Variants in MOB3B observed in about 807,000 individuals in gnomAD.
MOB3B encodes MOB kinase activator-like 2B.
In MOB3B, 7 loss-of-function variants were observed where a neutral mutation model predicts 18.7. That is an observed-to-expected ratio of 0.37 (90% CI 0.21 to 0.70). The LOEUF (loss-of-function observed/expected upper bound fraction) is 0.70, where lower values mean the gene tolerates loss of function less well. Ranked by LOEUF, MOB3B falls within the 30% of genes least tolerant of loss-of-function variation. The probability of loss-of-function intolerance (pLI) is 0.52; values close to 1 mark genes in which losing one functional copy is unlikely to be tolerated. For missense variants in MOB3B, 253 were observed against 281.3 expected (o/e 0.90, Z 0.72); for synonymous variants, 111 against 99.9 (o/e 1.11, Z -0.66).
chr9:27,352,732 G>A (rs1197459298), intron 3 of MOB3B, among the ~76,000 whole-genome samples: 2 of 152,204 alleles, frequency 1.3e-5, no homozygotes, highest in South Asian at 2.1e-4. Context: ...TCACAAAGAT[G>A]AGCAGTGCTG....
rs62541962 is a variant in MOB3B, at chr9:27,351,689, G to A, written c.621+7345C>T. On this transcript the variant is annotated intron_variant, in intron 3 of 3. Transcript: ENST00000262244. ...TTTAGGGAGTAGCTCTGGCTCATGC[G>A]AGAGGTTCTGCTTCTTTTCACAGTC... 9.9e-3 allele frequency among the ~76,000 whole-genome samples: 1,515 copies of A among 152,326 alleles called. 11 individuals carry two copies. The highest frequency in any genetic ancestry group is 0.024 in the Middle Eastern group (7 of 294).
At chr9:27,521,899 T>G (rs144116164) in intron 1 of MOB3B, among the ~76,000 whole-genome samples, 2 of 152,228 alleles carry the variant, frequency 1.3e-5, no homozygotes, top group Non-Finnish European at 1.5e-5. Context: ...GTATAATAAT[T>G]TTTCCTTTTT....
At chr9:27,401,880 C>T (rs1269927763) in intron 2 of MOB3B, among the ~76,000 whole-genome samples, 1 of 152,176 alleles carries the variant, frequency 6.6e-6, no homozygotes, top group African/African-American at 2.4e-5. Flanking sequence ...AACTTCATTT[C>T]ATCCATTACT....
chr9:27,419,010 C>T (rs1822198781), intron 2 of MOB3B, among the ~76,000 whole-genome samples: 2 of 148,774 alleles, frequency 1.3e-5, no homozygotes, highest in Non-Finnish European at 3.0e-5. Context: ...ACACCAACTG[C>T]GACCAAGCGG....
At chr9:27,433,177 G>A (rs1349567651) in intron 2 of MOB3B, among the ~76,000 whole-genome samples, 3 of 151,228 alleles carry the variant, frequency 2.0e-5, no homozygotes, top group Non-Finnish European at 4.4e-5. Context: ...TTAAATTCAG[G>A]GCTTTGTAAA....
At chr9:27,514,614 C>T (rs1820202486) in intron 1 of MOB3B, among the ~76,000 whole-genome samples, 2 of 152,160 alleles carry the variant, frequency 1.3e-5, no homozygotes, top group Non-Finnish European at 2.9e-5. Flanking sequence ...CAGATCTAGG[C>T]AAGGGCTCTT....
At chr9:27,414,876 A>ATT (rs1002180690) in intron 2 of MOB3B, among the ~76,000 whole-genome samples, 1 of 149,046 alleles carries the variant, frequency 6.7e-6, no homozygotes, top group African/African-American at 2.5e-5. Context: ...TTATTTTTTA[A>ATT]TTTTTTTTTT....
intron 1 of MOB3B, among the ~76,000 whole-genome samples, chr9:27,528,278 G>A (rs1444964089): frequency 1.3e-5 from 2 of 152,136 alleles, no homozygotes; most frequent in Admixed American, 6.5e-5. Context: ...AAGGTGCCCC[G>A]ATCCCCTCCC....
At chr9:27,427,843 C>T (rs985125308) in intron 2 of MOB3B, among the ~76,000 whole-genome samples, 1 of 152,118 alleles carries the variant, frequency 6.6e-6, no homozygotes, top group Non-Finnish European at 1.5e-5. Context: ...TTTGGTGAGG[C>T]CTTTGCTTCC....
At chr9:27,418,091 CAAAA>C (rs57850999) in intron 2 of MOB3B, among the ~76,000 whole-genome samples, 5,582 of 44,110 alleles carry the variant, frequency 0.13, 270 homozygotes, top group African/African-American at 0.26. Context: ...GACTCCACCT[CAAAA>C]AAAAAAAAAA....
chr9:27,360,671 G>C (rs1300546511), intron 2 of MOB3B, among the ~76,000 whole-genome samples: 1 of 152,198 alleles, frequency 6.6e-6, no homozygotes, highest in Non-Finnish European at 1.5e-5. Flanking sequence ...CAGAAACCTA[G>C]CAGCAGCTGT....
intron 2 of MOB3B, among the ~76,000 whole-genome samples, chr9:27,454,639 C>A (rs893655326): frequency 2.0e-5 from 3 of 152,166 alleles, no homozygotes; most frequent in Admixed American, 6.5e-5. Flanking sequence ...AATTAACAAC[C>A]TATGATTAGA....
intron 3 of MOB3B, among the ~76,000 whole-genome samples, chr9:27,347,822 T>C (rs1366448460): frequency 1.3e-5 from 2 of 152,234 alleles, no homozygotes; most frequent in Non-Finnish European, 2.9e-5. Context: ...GTATTCATTA[T>C]AGTAACATGC....
intron 1 of MOB3B, among the ~76,000 whole-genome samples, chr9:27,497,474 G>C (rs927196735): frequency 3.3e-5 from 5 of 151,868 alleles, no homozygotes; most frequent in African/African-American, 1.2e-4. Flanking sequence ...AAGACAATGA[G>C]AATAATTTCT....
At chr9:27,425,767 T>C (rs1260828498) in intron 2 of MOB3B, among the ~76,000 whole-genome samples, 1 of 152,174 alleles carries the variant, frequency 6.6e-6, no homozygotes, top group Non-Finnish European at 1.5e-5. Flanking sequence ...TGAGGCTCTT[T>C]TGTCAGCCTT....
At chr9:27,415,438 T>C (rs2131405812) in intron 2 of MOB3B, among the ~76,000 whole-genome samples, 1 of 152,090 alleles carries the variant, frequency 6.6e-6, no homozygotes, top group Non-Finnish European at 1.5e-5. Flanking sequence ...TTAGAACTTA[T>C]CTGTAAGTCT....
chr9:27,515,161 T>G (rs1820212501), intron 1 of MOB3B, among the ~76,000 whole-genome samples: 1 of 152,250 alleles, frequency 6.6e-6, no homozygotes, highest in Non-Finnish European at 1.5e-5. Context: ...TCTTAACATT[T>G]GAACTGTGCC....
rs532998764 is a variant in MOB3B at position 27,348,504 on chromosome 9, T to G, written c.621+10530A>C. 6.8e-4 allele frequency among the ~76,000 whole-genome samples: 103 copies of G among 151,820 alleles called. 1 individual carries two copies. Among genetic ancestry groups the G allele is most frequent in the African/African-American group, 2.4e-3 (101 of 41,394 alleles). On this transcript the variant is annotated intron_variant, in intron 3 of 3. Transcript: ENST00000262244. ...CCCATCTCTACTAAAAATAAAAAAA[T>G]TATCCGGGCATAGTAGCATGCACCT...
intron 1 of MOB3B, among the ~76,000 whole-genome samples, chr9:27,491,411 T>A (rs1283568830): frequency 6.6e-6 from 1 of 152,164 alleles, no homozygotes; most frequent in East Asian, 1.9e-4. Context: ...GAAATGAGTG[T>A]GCAGTGTACT....
Sources: gnomAD v4.1 joint callset for allele counts (sites outside exome capture counted in the v4.1 genomes callset) on GRCh38, gnomAD v4.1.1 for gene constraint, MANE v1.5 for transcripts, NCBI Gene and HGNC (gene_info 2026-07-23, HGNC 2026-07-21) for gene names.